PICALM: variants seen among roughly 807,000 people sequenced by gnomAD.
The protein encoded by PICALM is phosphatidylinositol binding clathrin assembly protein.
Under a neutral mutation model 80.5 loss-of-function variants are expected in PICALM, and 40 were observed. That is an observed-to-expected ratio of 0.50 (90% CI 0.39 to 0.65). The LOEUF (loss-of-function observed/expected upper bound fraction) is 0.65. PICALM is among the 30% of genes least tolerant of loss of function. The pLI is 0.00. For missense variants in PICALM, 676 were observed against 778.9 expected (o/e 0.87, Z 1.57); for synonymous variants, 288 against 260.3 (o/e 1.11, Z -1.02).
chr11:86,029,719 A>G (rs565057571), intron 2 of PICALM, among the ~76,000 whole-genome samples: 98 of 152,370 alleles, frequency 6.4e-4, no homozygotes, highest in Non-Finnish European at 1.1e-3. Context: ...TCAAATAAAT[A>G]AAGAAGAAGA....
intron 2 of PICALM, among the ~76,000 whole-genome samples, chr11:86,030,175 T>C (rs2095724574): frequency 6.6e-6 from 1 of 152,158 alleles, no homozygotes; most frequent in African/African-American, 2.4e-5. Context: ...CTAAGTATAT[T>C]TTATCTACAT....
At chr11:86,068,266 A>C (rs894104673) in intron 1 of PICALM, among the ~76,000 whole-genome samples, 1 of 152,184 alleles carries the variant, frequency 6.6e-6, no homozygotes, top group Non-Finnish European at 1.5e-5. Flanking sequence ...GGAGACGCTC[A>C]GACGAGGGCG....
At chr11:85,984,564 G>A (rs898569267) in intron 13 of PICALM, among the ~76,000 whole-genome samples, 14 of 152,128 alleles carry the variant, frequency 9.2e-5, no homozygotes, top group Non-Finnish European at 1.6e-4. Context: ...AAACATCAAA[G>A]AAAAAAGATA....
In PICALM at chr11:85,988,424, G is replaced by GA. The variant is rs891386923; in HGVS notation, c.1408+1825dup. Among the ~76,000 whole-genome samples, 82 of 148,866 alleles carry GA rather than the reference G, an allele frequency of 5.5e-4. 1 individual carries two copies. The highest frequency in any genetic ancestry group is 3.5e-3 in the Middle Eastern group (1 of 288). ...CCAAGTTTATAAAAACTCATTTTAAGAAAAAAAAAATCCTTCCTGCATAAA... is the reference window on the plus strand; with the variant it reads ...CCAAGTTTATAAAAACTCATTTTAAGAAAAAAAAAAATCCTTCCTGCATAAA... On this transcript the variant is annotated intron_variant, in intron 13 of 19. Coordinates refer to ENST00000393346, the MANE Select transcript of PICALM (RefSeq NM_007166.4).
intron 19 of PICALM, among the ~76,000 whole-genome samples, chr11:85,965,687 A>G (rs2093852467): frequency 6.6e-6 from 1 of 152,110 alleles, no homozygotes; most frequent in Non-Finnish European, 1.5e-5. Flanking sequence ...GTCTAGTGCC[A>G]CAAATAATTG....
At chr11:86,040,816 T>C (rs1483068103) in intron 1 of PICALM, among the ~76,000 whole-genome samples, 2 of 152,146 alleles carry the variant, frequency 1.3e-5, no homozygotes. Context: ...ATGACCCGGA[T>C]GCAATTCAAA....
chr11:85,986,067 A>G (rs1235712810), intron 13 of PICALM, among the ~76,000 whole-genome samples: 3 of 152,190 alleles, frequency 2.0e-5, no homozygotes, highest in Admixed American at 1.3e-4. Context: ...AAAGACTATA[A>G]AGTAACCCAG....
chr11:86,001,182 T>C (rs752435203), intron 9 of PICALM, 24 bp from the exon 10 acceptor site: 2 of 1,609,344 alleles, frequency 1.2e-6, no homozygotes, highest in African/African-American at 2.7e-5. Flanking sequence ...ACAGAGATAA[T>C]TTGGCTTTTT....
rs762867134 is a variant in PICALM, at chr11:85,990,208, G to A, written c.1408+42C>T. 4 of 1,227,458 alleles carry A rather than the reference G, an allele frequency of 3.3e-6. No homozygotes were observed. In the South Asian group the frequency reaches 5.5e-5, roughly 17 times the overall value. 76.0% of individuals were successfully genotyped at this position (1,227,458 alleles called of 1,614,324 possible). ...TGGACACGTAAAATATAGTTAGGCA[G>A]TATAAACATTGATTGGAAAAAAAGG... On this transcript the variant is annotated intron_variant, in intron 13 of 19. Coordinates refer to ENST00000393346, the MANE Select transcript of PICALM (RefSeq NM_007166.4).
intron 11 of PICALM, among the ~76,000 whole-genome samples, chr11:86,000,230 A>G (rs2095100772): frequency 6.6e-6 from 1 of 152,228 alleles, no homozygotes; most frequent in South Asian, 2.1e-4. Context: ...CAGATTACAG[A>G]GTTTAAAACC....
intron 8 of PICALM, among the ~76,000 whole-genome samples, chr11:86,005,260 T>A (rs1296708151): frequency 6.6e-6 from 1 of 152,250 alleles, no homozygotes. Context: ...TCATAGAAAC[T>A]GTAGTTTATC....
intron 1 of PICALM, among the ~76,000 whole-genome samples, chr11:86,056,714 G>T (rs1458545968): frequency 6.6e-6 from 1 of 152,138 alleles, no homozygotes; most frequent in Non-Finnish European, 1.5e-5. Context: ...ACGAAAACTT[G>T]TATGTGAATG....
intron 2 of PICALM, among the ~76,000 whole-genome samples, chr11:86,029,590 G>T (rs995089201): frequency 6.6e-5 from 10 of 152,046 alleles, no homozygotes; most frequent in African/African-American, 1.9e-4. Context: ...TTAACATTTT[G>T]CCTCTAGTAC....
chr11:86,028,675 T>G (rs2095693215), intron 2 of PICALM, among the ~76,000 whole-genome samples: 1 of 152,074 alleles, frequency 6.6e-6, no homozygotes, highest in African/African-American at 2.4e-5. Flanking sequence ...AGTATAAAAG[T>G]ACCTACCTGC....
chr11:86,031,480 A>C lies in PICALM; in HGVS notation c.262T>G (p.Tyr88Asp). Reference protein sequence around the residue: ...SLITTHHLMVYGNERFIQYLA... With the variant: ...SLITTHHLMVDGNERFIQYLA... ...AAAATTCTGCTTACCTCATTTCCAT[A>C]CACCATCAAATGATGAGTTGTAATG... Residue 88 changes from tyrosine (Y) to aspartate (D), a missense_variant, in exon 2 of 20, where the codon TAT (tyrosine) becomes GAT (aspartate). Transcript: ENST00000393346. The C allele has an allele frequency of 6.2e-7, 1 of 1,611,674 alleles. No individual in the cohort carries two copies. The highest frequency in any genetic ancestry group is 8.5e-7 in the Non-Finnish European group (1 of 1,179,152).
Position 85,993,469 on chromosome 11 carries a change from C to T in PICALM, c.1259-3070G>A, listed in dbSNP as rs570465908. On this transcript the variant is annotated intron_variant, in intron 12 of 19. Coordinates refer to ENST00000393346, the MANE Select transcript of PICALM (RefSeq NM_007166.4). ...TTTTCATTTTTTTGAGACAGAGGTT[C>T]GCTCTGTCGCCCAGGCTAGAATGCA... is the stretch of plus-strand genomic sequence containing the variant. 1.5e-4 allele frequency among the ~76,000 whole-genome samples: 23 copies of T among 151,752 alleles called. 1 individual carries two copies. The South Asian group carries it at 3.7e-3, about 25-fold the overall frequency.
chr11:86,068,791 C>T lies in PICALM; in HGVS notation c.-11G>A. 2 of 1,598,522 alleles carry T rather than the reference C, an allele frequency of 1.3e-6. No individual in the cohort carries two copies. Among genetic ancestry groups the T allele is most frequent in the South Asian group, 2.2e-5 (2 of 89,818 alleles). ...GCTCTGGCCGGACATCTCTGCAGCTCCTCCACCACCCCACCCGCTCAGCAG... is the reference window on the plus strand; with the variant it reads ...GCTCTGGCCGGACATCTCTGCAGCTTCTCCACCACCCCACCCGCTCAGCAG... On this transcript the variant is annotated 5_prime_UTR_variant, in exon 1 of 20. Coordinates refer to ENST00000393346, the MANE Select transcript of PICALM (RefSeq NM_007166.4).
At chr11:86,056,346 A>C (rs763742505) in intron 1 of PICALM, among the ~76,000 whole-genome samples, 7 of 150,578 alleles carry the variant, frequency 4.6e-5, no homozygotes, top group Non-Finnish European at 8.8e-5. Context: ...AAACAGGCAA[A>C]AGACCTTGAA....
intron 5 of PICALM, among the ~76,000 whole-genome samples, chr11:86,014,232 G>T (rs2095444076): frequency 6.6e-6 from 1 of 152,198 alleles, no homozygotes; most frequent in South Asian, 2.1e-4. Flanking sequence ...AACTGTCACA[G>T]TTCCATTCAC....
Sources: allele counts gnomAD v4.1 joint callset (sites outside exome capture counted in the v4.1 genomes callset), GRCh38; gene constraint gnomAD v4.1.1; transcripts MANE v1.5; gene names NCBI Gene and HGNC (gene_info 2026-07-23, HGNC 2026-07-21).